The following CMPK2 variants were observed in gnomAD, a reference collection of about 807,000 sequenced individuals.
The protein encoded by CMPK2 is cytidine/uridine monophosphate kinase 2.
In CMPK2, 32 loss-of-function variants were observed where a neutral mutation model predicts 33.4. The ratio of observed to expected loss-of-function variants is 0.96; its 90% CI spans 0.72 to 1.29. The LOEUF is 1.29. CMPK2 is among the 50% of genes most tolerant of loss of function. CMPK2 has a pLI of 0.00. For synonymous variants in CMPK2, 299 were observed against 275.3 expected, an observed-to-expected ratio of 1.09 and a Z score of -0.85; for missense variants, 672 against 616.0, an observed-to-expected ratio of 1.09 and a Z score of -0.96.
At position 6,865,140 on chromosome 2, in the gene CMPK2, T is replaced by G. The variant is rs1663022989; in HGVS notation, c.557A>C (p.Gln186Pro). 1 of 1,526,196 alleles carries G rather than the reference T, an allele frequency of 6.6e-7. No individual in the cohort carries two copies. The highest frequency in any genetic ancestry group is 8.8e-7 in the Non-Finnish European group (1 of 1,138,030). The allele number at this position is 1,526,196 out of a possible 1,614,324, so 94.5% of individuals were successfully genotyped here. Residue 186 changes from glutamine (Q) to proline (P), a missense_variant, in exon 1 of 5, where the codon CAG (glutamine) becomes CCG (proline). Physicochemically the swap from Gln to Pro is moderately conservative, Grantham distance 76. Transcript: ENST00000256722. ...GGGCACGACCTGTGCGCAGCCCACC[T>G]GCAGCCGCCTGCCGTCTTGCACCTC... ...LWEVQDGRRL[Q>P]VGCAQVVPVP... is the part of the protein sequence containing the mutation.
chr2:6,850,866 A>C (rs2103218584), intron 4 of CMPK2: 1 of 990,532 alleles, frequency 1.0e-6, no homozygotes, highest in Non-Finnish European at 1.2e-6. Context: ...AGGCCTGGCC[A>C]GACTCTCTTC....
At chr2:6,853,995 G>T (rs1446627224) in intron 3 of CMPK2, among the ~76,000 whole-genome samples, 1 of 152,066 alleles carries the variant, frequency 6.6e-6, no homozygotes, top group Non-Finnish European at 1.5e-5. Context: ...TGCTCTGAGA[G>T]CTTCAGGCCA....
chr2:6,863,337 G>A, intron 2 of CMPK2, 127 bp downstream of exon 2: 1 of 724,618 alleles, frequency 1.4e-6, no homozygotes, highest in Non-Finnish European at 2.4e-6. Flanking sequence ...GCCTAGCACA[G>A]GGCCTGCCAC....
At chr2:6,841,211 T>G (rs1255478826) in intron 3 of CMPK2, among the ~76,000 whole-genome samples, 3 of 152,140 alleles carry the variant, frequency 2.0e-5, no homozygotes, top group Non-Finnish European at 4.4e-5. Context: ...TTTTATCACC[T>G]TAGAGGACTT....
Position 6,849,893 on chromosome 2 carries a change from T to C in CMPK2, c.1307A>G (p.Gln436Arg), listed in dbSNP as rs768459253. ...ATTCTGGATTAGGCTTAATACCGTC[T>C]GCAGGACCTTTTCTCTGGAGGGGCT... ...DASPSREKVL[Q>R]TVLSLIQNSF... The change falls in exon 5 of 5, where the codon CAG becomes CGG. Residue 436 changes from glutamine (Q) to arginine (R), a missense_variant. Transcript: ENST00000256722. 2 of 1,614,202 alleles carry C rather than the reference T, an allele frequency of 1.2e-6. No individual in the cohort carries two copies. The highest frequency in any genetic ancestry group is 1.1e-5 in the South Asian group (1 of 91,082).
downstream of CMPK2, among the ~76,000 whole-genome samples, chr2:6,847,959 G>A (rs370709247): frequency 5.9e-5 from 9 of 152,132 alleles, no homozygotes; most frequent in Admixed American, 3.3e-4. Flanking sequence ...ACCAAAGCTC[G>A]TCTTGCAATG....
intron 3 of CMPK2, among the ~76,000 whole-genome samples, chr2:6,854,757 A>T (rs1478459800): frequency 1.3e-5 from 2 of 152,194 alleles, no homozygotes; most frequent in Non-Finnish European, 2.9e-5. Flanking sequence ...AATGCTTTAT[A>T]TTTTAATAGC....
upstream of CMPK2, chr2:6,865,947 C>A (rs1325025983): frequency 5.3e-6 from 7 of 1,308,628 alleles, no homozygotes; most frequent in Non-Finnish European, 7.0e-6. Flanking sequence ...GACGCTTGGC[C>A]CCGGGGCCCC....
intron 3 of CMPK2, among the ~76,000 whole-genome samples, chr2:6,852,777 T>C (rs889209177): frequency 3.9e-5 from 6 of 152,208 alleles, no homozygotes; most frequent in African/African-American, 1.4e-4. Context: ...TCAGCATAGT[T>C]TATTATACTC....
intron 1 of CMPK2, 78 bp from the exon 2 acceptor site, chr2:6,863,656 T>C (rs1311832600): frequency 1.0e-6 from 1 of 996,304 alleles, no homozygotes; most frequent in Admixed American, 1.9e-5. Flanking sequence ...CTGAGCACAA[T>C]ATTGCCGCAT....
chr2:6,843,358 A>G (rs947511900), downstream of CMPK2, among the ~76,000 whole-genome samples: 2 of 152,200 alleles, frequency 1.3e-5, no homozygotes, highest in Non-Finnish European at 2.9e-5. Context: ...ACTAGTATCC[A>G]TTCCCCACTG....
intron 4 of CMPK2, among the ~76,000 whole-genome samples, chr2:6,850,350 G>T (rs1327859322): frequency 6.6e-6 from 1 of 152,184 alleles, no homozygotes; most frequent in Non-Finnish European, 1.5e-5. Flanking sequence ...CCAAGTCTGT[G>T]CCCTGAATAA....
intron 3 of CMPK2, among the ~76,000 whole-genome samples, chr2:6,853,052 C>A (rs1035394175): frequency 3.3e-5 from 5 of 152,142 alleles, no homozygotes; most frequent in African/African-American, 1.2e-4. Flanking sequence ...CAGGTTCAAG[C>A]ATTTCTCCTG....
At chr2:6,860,093 G>A (rs1056917118) in intron 3 of CMPK2, among the ~76,000 whole-genome samples, 1 of 152,218 alleles carries the variant, frequency 6.6e-6, no homozygotes, top group Admixed American at 6.5e-5. Context: ...GACTTGCATG[G>A]AGCCTGTAGC....
chr2:6,851,749 G>A, intron 3 of CMPK2, 66 bp from the exon 4 acceptor site: 2 of 1,484,442 alleles, frequency 1.3e-6, no homozygotes, highest in Non-Finnish European at 1.9e-6. Context: ...CTGAAAATCA[G>A]CAGCCAGGAA....
intron 3 of CMPK2, among the ~76,000 whole-genome samples, chr2:6,855,296 T>C (rs1465285903): frequency 6.9e-6 from 1 of 144,976 alleles, no homozygotes; most frequent in African/African-American, 2.5e-5. Flanking sequence ...GTGTAGCACT[T>C]CCCCCTGCTC....
At chr2:6,866,110 G>A (rs895778214), upstream of CMPK2, 4 of 229,438 alleles carry the variant, frequency 1.7e-5, no homozygotes, top group Non-Finnish European at 3.5e-5. Context: ...CCTCCTCTGC[G>A]GCTTATGCCG....
intron 1 of CMPK2, among the ~76,000 whole-genome samples, chr2:6,864,603 G>A (rs1486816002): frequency 1.3e-5 from 2 of 152,184 alleles, no homozygotes; most frequent in Non-Finnish European, 2.9e-5. Context: ...CCAGTCGGTA[G>A]GTAAACACTA....
At position 6,865,636 on chromosome 2, in the gene CMPK2, C is replaced by G. The variant is rs774466405; in HGVS notation, c.61G>C (p.Gly21Arg). The G allele has an allele frequency of 1.3e-4, 176 of 1,355,774 alleles. No individual in the cohort carries two copies. Among genetic ancestry groups the G allele is most frequent in the South Asian group, 3.2e-4 (18 of 55,568 alleles). The allele number at this position is 1,355,774 out of a possible 1,614,324, so 84.0% of individuals were successfully genotyped here. Residue 21 changes from glycine to arginine, a missense_variant, in exon 1 of 5, where the codon GGG (glycine) becomes CGG (arginine). Coordinates refer to ENST00000256722, the MANE Select transcript of CMPK2 (RefSeq NM_207315.4). Reference protein sequence around the residue: ...PLSGPLLGRRGVCAGAMAPPR... With the variant: ...PLSGPLLGRRRVCAGAMAPPR... ...GGAGCCATGGCCCCAGCGCAGACCCCGCGCCGCCCGAGCAGCGGCCCCGAC... is the reference window on the plus strand; with the variant it reads ...GGAGCCATGGCCCCAGCGCAGACCCGGCGCCGCCCGAGCAGCGGCCCCGAC...
Sources: allele counts gnomAD v4.1 joint callset (sites outside exome capture counted in the v4.1 genomes callset), GRCh38; gene constraint gnomAD v4.1.1; transcripts MANE v1.5; gene names NCBI Gene and HGNC (gene_info 2026-07-23, HGNC 2026-07-21).